Variants in CDH18 observed in about 807,000 individuals in gnomAD.
The protein encoded by CDH18 is cadherin-18.
A neutral mutation model predicts 67.9 loss-of-function variants in CDH18; 31 were observed. The ratio of observed to expected loss-of-function variants is 0.46; its 90% confidence interval spans 0.34 to 0.62. The LOEUF is 0.62. CDH18 is among the 20% of genes least tolerant of loss of function. CDH18 has a pLI of 0.01. For synonymous variants in CDH18, 362 were observed against 347.2 expected, an observed-to-expected ratio of 1.04 and a Z score of -0.48; for missense variants, 890 against 975.5, an observed-to-expected ratio of 0.91 and a Z score of 1.17.
intron 2 of CDH18, among the ~76,000 whole-genome samples, chr5:20,230,300 G>T (rs941021060): frequency 2.6e-5 from 4 of 152,046 alleles, no homozygotes; most frequent in African/African-American, 7.2e-5. Flanking sequence ...CTAAACTCCT[G>T]CAGGGCCTAG....
intron 2 of CDH18, among the ~76,000 whole-genome samples, chr5:20,250,368 C>T (rs1743745543): frequency 6.6e-6 from 1 of 151,898 alleles, no homozygotes; most frequent in Admixed American, 6.6e-5. Flanking sequence ...TCAAGGCTCA[C>T]GGCAACCTCC....
chr5:20,568,487 T>A (rs1485282115), intron 1 of CDH18, among the ~76,000 whole-genome samples: 1 of 152,098 alleles, frequency 6.6e-6, no homozygotes, highest in Non-Finnish European at 1.5e-5. Flanking sequence ...AAGCACTCAA[T>A]AACTAGATGG....
chr5:20,224,892 C>T (rs941931806), intron 2 of CDH18, among the ~76,000 whole-genome samples: 5 of 152,132 alleles, frequency 3.3e-5, no homozygotes, highest in African/African-American at 9.6e-5. Context: ...TATAAACATG[C>T]ATTAATATCC....
At chr5:19,678,122 G>A (rs568086648) in intron 5 of CDH18, among the ~76,000 whole-genome samples, 16 of 151,796 alleles carry the variant, frequency 1.1e-4, no homozygotes, top group African/African-American at 3.9e-4. Flanking sequence ...TTGACCAAAT[G>A]TGACTAATGG....
At chr5:20,316,727 A>C (rs1287285322) in intron 1 of CDH18, among the ~76,000 whole-genome samples, 1 of 152,020 alleles carries the variant, frequency 6.6e-6, no homozygotes, top group Non-Finnish European at 1.5e-5. Context: ...ACAGTTATAG[A>C]AGGGGAAAAA....
At chr5:20,372,012 A>C (rs1743042405) in intron 1 of CDH18, among the ~76,000 whole-genome samples, 1 of 152,214 alleles carries the variant, frequency 6.6e-6, no homozygotes, top group Non-Finnish European at 1.5e-5. Flanking sequence ...CCACTTAATG[A>C]GGAAGGTGAT....
chr5:19,685,237 G>A (rs1282335880), intron 5 of CDH18, among the ~76,000 whole-genome samples: 2 of 152,152 alleles, frequency 1.3e-5, no homozygotes, highest in East Asian at 3.9e-4. Flanking sequence ...AAACCTCAGT[G>A]ACTTAGCATG....
chr5:20,479,405 A>T (rs905645072), intron 1 of CDH18, among the ~76,000 whole-genome samples: 3 of 152,148 alleles, frequency 2.0e-5, no homozygotes, highest in African/African-American at 7.2e-5. Context: ...CTGTCAGACA[A>T]ATTTACAAAG....
At chr5:20,366,640 C>G (rs1239550347) in intron 1 of CDH18, among the ~76,000 whole-genome samples, 2 of 152,242 alleles carry the variant, frequency 1.3e-5, no homozygotes, top group South Asian at 4.1e-4. Context: ...ATTTGCCCCC[C>G]TAACAGTGGA....
intron 1 of CDH18, among the ~76,000 whole-genome samples, chr5:20,567,138 T>C (rs1310093368): frequency 1.3e-5 from 2 of 152,154 alleles, no homozygotes; most frequent in Non-Finnish European, 2.9e-5. Context: ...GAATATTTAA[T>C]ACATTTCTTG....
chr5:19,981,395 ACACCAC>A (rs1799023366), intron 1 of CDH18, among the ~76,000 whole-genome samples: 2 of 144,414 alleles, frequency 1.4e-5, no homozygotes, highest in African/African-American at 4.9e-5. Context: ...CTATAACAAA[ACACCAC>A]AGAAAGAATA....
chr5:20,146,353 T>G (rs907864217), intron 2 of CDH18, among the ~76,000 whole-genome samples: 1 of 152,094 alleles, frequency 6.6e-6, no homozygotes, highest in African/African-American at 2.4e-5. Flanking sequence ...TCTGTCCTGG[T>G]AGACCATTGA....
intron 1 of CDH18, among the ~76,000 whole-genome samples, chr5:20,450,805 G>A: frequency 6.6e-6 from 1 of 152,146 alleles, no homozygotes; most frequent in Admixed American, 6.6e-5. Flanking sequence ...CTGAGACTGG[G>A]TAATTTATAA....
chr5:20,115,577 AT>A (rs779771881), intron 2 of CDH18, among the ~76,000 whole-genome samples: 5 of 151,876 alleles, frequency 3.3e-5, no homozygotes, highest in Non-Finnish European at 5.9e-5. Context: ...TAAACTAATT[AT>A]CCCCCAAAGG....
At chr5:19,989,674 T>A (rs534919514), upstream of CDH18, among the ~76,000 whole-genome samples, 17 of 152,358 alleles carry the variant, frequency 1.1e-4, no homozygotes, top group South Asian at 3.3e-3. Context: ...AAGTTGTATT[T>A]CTTGGAAGTT....
intron 2 of CDH18, among the ~76,000 whole-genome samples, chr5:20,031,992 T>C (rs1331889309): frequency 6.6e-6 from 1 of 151,956 alleles, no homozygotes; most frequent in Admixed American, 6.6e-5. Context: ...GAGAGCCAGA[T>C]TGAAAGATGG....
Position 19,507,756 on chromosome 5 carries a change from G to C in CDH18, c.1513-4647C>G, listed in dbSNP as rs186946474. Among the ~76,000 whole-genome samples the C allele has an allele frequency of 5.0e-3, 766 of 152,226 alleles. 8 individuals are homozygous for C. The highest frequency in any genetic ancestry group is 8.2e-3 in the Non-Finnish European group (558 of 68,012). On this transcript the variant is annotated intron_variant, in intron 10 of 12. Transcript: ENST00000382275. ...AACTTCACACACTGGGGCCTGTTGT[G>C]GGTTGGGAGGAGGGGCGAGGGATAA...
intron 2 of CDH18, among the ~76,000 whole-genome samples, chr5:19,977,739 T>C (rs1385347008): frequency 6.6e-6 from 1 of 152,160 alleles, no homozygotes; most frequent in African/African-American, 2.4e-5. Context: ...TATGAACATT[T>C]TCATAGGTGT....
intron 5 of CDH18, among the ~76,000 whole-genome samples, chr5:19,638,330 TTTC>T (rs1291822424): frequency 9.2e-5 from 14 of 152,210 alleles, no homozygotes; most frequent in African/African-American, 1.2e-4. Context: ...AAATCTGCAC[TTTC>T]TTAAGGCTTT....
Sources: allele counts gnomAD v4.1 joint callset (sites outside exome capture counted in the v4.1 genomes callset), GRCh38; gene constraint gnomAD v4.1.1; transcripts MANE v1.5; gene names NCBI Gene and HGNC (gene_info 2026-07-23, HGNC 2026-07-21).